Variants in DNAJC5B observed in about 807,000 individuals in gnomAD.
DNAJC5B encodes the protein dnaJ homolog subfamily C member 5B.
A neutral mutation model predicts 24.7 loss-of-function variants in DNAJC5B; 23 were observed. The observed-to-expected ratio is 0.93, with a 90% CI of 0.67 to 1.32. DNAJC5B has a LOEUF of 1.32. DNAJC5B is among the 40% of genes most tolerant of loss of function. The pLI, the probability that DNAJC5B is intolerant of heterozygous loss-of-function variation, is 0.00. For synonymous variants in DNAJC5B, 101 were observed against 90.1 expected (o/e 1.12, Z -0.68); for missense variants, 238 against 240.8 (o/e 0.99, Z 0.08).
At chr8:66,067,933 G>A (rs1210411646) in intron 3 of DNAJC5B, among the ~76,000 whole-genome samples, 1 of 152,186 alleles carries the variant, frequency 6.6e-6, no homozygotes, top group Admixed American at 6.5e-5. Context: ...TAAACTTTAT[G>A]TAGCTTGTTA....
upstream of DNAJC5B, among the ~76,000 whole-genome samples, chr8:66,019,967 T>A (rs1806067630): frequency 6.6e-6 from 1 of 152,260 alleles, no homozygotes; most frequent in African/African-American, 2.4e-5. Context: ...TAAGATTTTA[T>A]GAAGACATTT....
chr8:66,047,099 C>T (rs1487156385), intron 2 of DNAJC5B, among the ~76,000 whole-genome samples: 1 of 152,210 alleles, frequency 6.6e-6, no homozygotes, highest in Non-Finnish European at 1.5e-5. Flanking sequence ...GCATTCTCTT[C>T]CTTGAGGAAG....
chr8:66,029,082 TA>T (rs1186242195), intron 1 of DNAJC5B, among the ~76,000 whole-genome samples: 1 of 152,242 alleles, frequency 6.6e-6, no homozygotes, highest in Admixed American at 6.5e-5. Flanking sequence ...GCTTTTCTGA[TA>T]GTTGAACTCC....
In DNAJC5B at chr8:66,076,811, G is replaced by A. The variant is rs150458098; in HGVS notation, c.271G>A (p.Ala91Thr). Residue 91 changes from alanine (A) to threonine (T), a missense_variant, in exon 4 of 6, where the codon GCC (alanine) becomes ACC (threonine). Ala to Thr is a moderately conservative substitution (Grantham distance 58, BLOSUM62 0). Coordinates refer to ENST00000276570, the MANE Select transcript of DNAJC5B (RefSeq NM_033105.6). ...DKYGSLGLYV[A>T]EQFGDENVNT... ...GTACGGATCGCTGGGACTCTACGTG[G>A]CCGAGCAGTTTGGAGACGAAAACGT... is the stretch of plus-strand genomic sequence containing the variant. 1 of 1,614,058 alleles carries A rather than the reference G, an allele frequency of 6.2e-7. No individual in the cohort carries two copies. The highest frequency in any genetic ancestry group is 8.5e-7 in the Non-Finnish European group (1 of 1,180,034).
At chr8:66,049,652 C>T (rs1010963973) in intron 2 of DNAJC5B, among the ~76,000 whole-genome samples, 8 of 152,174 alleles carry the variant, frequency 5.3e-5, no homozygotes, top group African/African-American at 1.9e-4. Flanking sequence ...ATAGCCTCAT[C>T]GTTAAGTGGT....
intron 5 of DNAJC5B, among the ~76,000 whole-genome samples, chr8:66,082,083 T>G (rs748943751): frequency 6.6e-6 from 1 of 152,090 alleles, no homozygotes; most frequent in Non-Finnish European, 1.5e-5. Context: ...GAATCCTATC[T>G]GCTCTTGTAA....
chr8:66,048,713 A>T (rs72650556), intron 2 of DNAJC5B, among the ~76,000 whole-genome samples: 2 of 152,076 alleles, frequency 1.3e-5, no homozygotes, highest in Non-Finnish European at 2.9e-5. Context: ...AAGACCATAC[A>T]GATCTGAGGT....
chr8:66,073,265 A>T (rs1807388896), intron 3 of DNAJC5B, among the ~76,000 whole-genome samples: 1 of 152,192 alleles, frequency 6.6e-6, no homozygotes, highest in African/African-American at 2.4e-5. Context: ...AATAATTAGG[A>T]ACATTTTTAA....
chr8:66,031,140 C>T (rs1428486139), intron 1 of DNAJC5B, among the ~76,000 whole-genome samples: 1 of 152,108 alleles, frequency 6.6e-6, no homozygotes, highest in Non-Finnish European at 1.5e-5. Context: ...AATCATAGTA[C>T]AATTAATATG....
intron 3 of DNAJC5B, among the ~76,000 whole-genome samples, chr8:66,064,018 T>TG (rs1807137604): frequency 6.6e-6 from 1 of 152,126 alleles, no homozygotes; most frequent in African/African-American, 2.4e-5. Flanking sequence ...GTCATCTTCT[T>TG]GGGGGTGAAA....
At chr8:66,035,644 A>G (rs1376451135) in intron 1 of DNAJC5B, among the ~76,000 whole-genome samples, 2 of 152,172 alleles carry the variant, frequency 1.3e-5, no homozygotes, top group African/African-American at 4.8e-5. Context: ...TCCAGAAACA[A>G]CCAACCCTGC....
At chr8:66,088,945 C>A (rs773656398) in intron 5 of DNAJC5B, among the ~76,000 whole-genome samples, 21 of 152,322 alleles carry the variant, frequency 1.4e-4, no homozygotes, top group Non-Finnish European at 2.8e-4. Context: ...GACTGTTACC[C>A]AGTTCCAAAG....
intron 1 of DNAJC5B, among the ~76,000 whole-genome samples, chr8:66,039,412 G>T (rs969338444): frequency 4.7e-5 from 7 of 148,544 alleles, no homozygotes; most frequent in Admixed American, 6.8e-5. Flanking sequence ...GCAATGGTGC[G>T]ACCTTGCCTC....
intron 5 of DNAJC5B, among the ~76,000 whole-genome samples, chr8:66,082,002 A>C (rs772890759): frequency 5.9e-5 from 9 of 152,140 alleles, no homozygotes; most frequent in Admixed American, 3.3e-4. Flanking sequence ...GTATGCATGG[A>C]AACTCCTTTT....
Position 66,024,039 on chromosome 8 carries a change from T to A in DNAJC5B, c.-142+2334T>A, listed in dbSNP as rs1436444882. Among the ~76,000 whole-genome samples, 5 of 152,246 alleles carry A rather than the reference T, an allele frequency of 3.3e-5. No homozygotes were observed. In the East Asian group the frequency reaches 9.6e-4, roughly 29 times the overall value. ...AATATAAATAGAGACCTAACTTTTA[T>A]AGTCATCAGCGCCATCATTAACCTT... On this transcript the variant is annotated intron_variant, in intron 1 of 5. Transcript: ENST00000276570.
At chr8:66,041,030 G>C (rs1413384510) in intron 1 of DNAJC5B, among the ~76,000 whole-genome samples, 1 of 50,378 alleles carries the variant, frequency 2.0e-5, no homozygotes, top group Non-Finnish European at 3.5e-5. Context: ...ATCTTAGATA[G>C]AGTGGTAGTG....
At chr8:66,076,510 T>G (rs552100362) in intron 3 of DNAJC5B, 150 bp from the exon 4 acceptor site, 891 of 790,822 alleles carry the variant, frequency 1.1e-3, no homozygotes, top group Non-Finnish European at 1.6e-3. Flanking sequence ...TTAGTGAAAA[T>G]GTACTTGTTA....
At chr8:66,036,255 C>T (rs1806481978) in intron 1 of DNAJC5B, among the ~76,000 whole-genome samples, 1 of 152,158 alleles carries the variant, frequency 6.6e-6, no homozygotes, top group South Asian at 2.1e-4. Flanking sequence ...TTGTGTCTGG[C>T]TGGTTCCTGG....
At chr8:66,030,785 C>A (rs1806342357) in intron 1 of DNAJC5B, among the ~76,000 whole-genome samples, 1 of 152,134 alleles carries the variant, frequency 6.6e-6, no homozygotes, top group Non-Finnish European at 1.5e-5. Context: ...TACAGGTGCC[C>A]ACCACCATGC....
Sources: gnomAD v4.1 joint callset for allele counts (sites outside exome capture counted in the v4.1 genomes callset) on GRCh38, gnomAD v4.1.1 for gene constraint, MANE v1.5 for transcripts, NCBI Gene and HGNC (gene_info 2026-07-23, HGNC 2026-07-21) for gene names.